SNX20: variants seen among roughly 807,000 people sequenced by gnomAD.
SNX20 encodes the protein sorting nexin-20.
A neutral mutation model predicts 24.5 loss-of-function variants in SNX20; 21 were observed. The ratio of observed to expected loss-of-function variants is 0.86; its 90% CI spans 0.61 to 1.23. The LOEUF is 1.23. Ranked by LOEUF, SNX20 falls within the 50% of genes most tolerant of loss-of-function variation. The pLI, the probability that SNX20 is intolerant of heterozygous loss-of-function variation, is 0.00. For missense variants in SNX20, 433 were observed against 430.8 expected, an observed-to-expected ratio of 1.00 and a Z score of -0.04; for synonymous variants, 206 against 192.8, an observed-to-expected ratio of 1.07 and a Z score of -0.57.
rs1963205868 is a variant in SNX20 at position 50,677,413 on chromosome 16, TC to T, written c.113del (p.Gly38AspfsTer6). 6.2e-7 allele frequency: 1 copy of T among 1,601,316 alleles called. No homozygotes were observed. Among genetic ancestry groups the T allele is most frequent in the African/African-American group, 1.3e-5 (1 of 74,300 alleles). On this transcript the variant is annotated frameshift_variant, in exon 2 of 4. Transcript: ENST00000330943. LOFTEE classifies it high-confidence loss of function. ...PATGPDLPHPGPDGHLDTHSG... is the reference protein window; with the variant it reads ...PATGPDLPHPXPDGHLDTHSG... ...CAAGCCCACCTAAGTGCCCGTCAGG[TC>T]CTGGGTGCGGGAGGTCGGGGCCAGT... is the stretch of plus-strand genomic sequence containing the variant.
chr16:50,667,447 A>T (rs939323766), downstream of SNX20: 18 of 154,418 alleles, frequency 1.2e-4, no homozygotes, highest in African/African-American at 4.3e-4. Context: ...GCCTTCCCTG[A>T]CCACCTGGCT....
At chr16:50,674,229 GTTTATTTATTTATTTA>G (rs752759802) in intron 3 of SNX20, among the ~76,000 whole-genome samples, 155 bp from the exon 4 acceptor site, 18 of 131,126 alleles carry the variant, frequency 1.4e-4, no homozygotes, top group African/African-American at 6.3e-4. Context: ...TTGTTTGTTT[GTTTATTTATTTATTTA>G]TTTATTTATT....
chr16:50,668,373 T>C (rs1962964129), downstream of SNX20: 4 of 1,052,044 alleles, frequency 3.8e-6, no homozygotes, highest in Non-Finnish European at 4.9e-6. Flanking sequence ...AACAAAAGTC[T>C]ACCAGCGGCC....
intron 1 of SNX20, among the ~76,000 whole-genome samples, chr16:50,678,515 C>G (rs976758579): frequency 1.3e-5 from 2 of 152,240 alleles, no homozygotes; most frequent in Middle Eastern, 3.2e-3. Flanking sequence ...AGCACACACT[C>G]TTGCACTAAC....
rs1489510886 is a variant in SNX20 at position 50,672,790 on chromosome 16, C to CTG, written c.*614_*615dup. 1.3e-5 allele frequency: 2 copies of CTG among 152,174 alleles called. No individual in the cohort carries two copies. The highest frequency in any genetic ancestry group is 4.8e-5 in the African/African-American group (2 of 41,410). 9.4% of individuals were successfully genotyped at this position (152,174 alleles called of 1,614,324 possible). A position where few individuals can be genotyped will look rare whatever the true frequency, so the allele number is the denominator to read the frequency against. ...TCTTCTCCAGCTTCCCACAAAGACA[C>CTG]TGGTGGGGTGGACACTGCTCTGGAC... On this transcript the variant is annotated 3_prime_UTR_variant, in exon 4 of 4. Transcript: ENST00000330943.
downstream of SNX20, chr16:50,668,702 A>T (rs529484333): frequency 3.7e-6 from 4 of 1,069,866 alleles, no homozygotes; most frequent in African/African-American, 6.6e-5. Context: ...GCATTTGGAG[A>T]CGTGGCTGGG....
chr16:50,668,306 G>T, downstream of SNX20: 1 of 1,362,080 alleles, frequency 7.3e-7, no homozygotes, highest in South Asian at 1.6e-5. Context: ...AGAAGTCTCA[G>T]CTTGGTGATT....
intron 1 of SNX20, among the ~76,000 whole-genome samples, chr16:50,679,300 GC>G (rs1963246990): frequency 6.6e-6 from 1 of 152,202 alleles, no homozygotes; most frequent in South Asian, 2.1e-4. Flanking sequence ...CCTGAGCACA[GC>G]CAGCGCCTGT....
Position 50,677,483 on chromosome 16 carries a change from G to T in SNX20, c.44C>A (p.Pro15His), listed in dbSNP as rs1213539411. 1 of 1,607,990 alleles carries T rather than the reference G, an allele frequency of 6.2e-7. No homozygotes were observed. Among genetic ancestry groups the T allele is most frequent in the Non-Finnish European group, 8.5e-7 (1 of 1,176,910 alleles). Reference protein sequence around the residue: ...EHPGSPGCMGPITQCTARTQQ... With the variant: ...EHPGSPGCMGHITQCTARTQQ... ...GGTCCTTGCCGTGCACTGGGTTATGGGTCCCATGCAGCCAGGGCTCCCAGG... is the reference window on the plus strand; with the variant it reads ...GGTCCTTGCCGTGCACTGGGTTATGTGTCCCATGCAGCCAGGGCTCCCAGG... Residue 15 changes from proline (P) to histidine (H), a missense_variant, in exon 2 of 4, where the codon CCC becomes CAC. Coordinates refer to ENST00000330943, the MANE Select transcript of SNX20 (RefSeq NM_182854.4).
chr16:50,673,748 G>C lies in SNX20; in HGVS notation c.609C>G (p.Arg203=). 1 of 1,511,060 alleles carries C rather than the reference G, an allele frequency of 6.6e-7. No homozygotes were observed. The highest frequency in any genetic ancestry group is 8.8e-7 in the Non-Finnish European group (1 of 1,136,588). The allele number at this position is 1,511,060 out of a possible 1,614,324, so 93.6% of individuals were successfully genotyped here. A position where few individuals can be genotyped will look rare whatever the true frequency, so the allele number is the denominator to read the frequency against. The part of the protein sequence containing the change: ...FGCLRAGQYP[R]ALELLLRVLP... ...GCACGCGCAGCAGCAGCTCCAGGGC[G>C]CGCGGGTACTGGCCGGCCCGCAGGC... Residue 203 remains arginine (R), a synonymous_variant, in exon 4 of 4, where the codon CGC becomes CGG. Transcript: ENST00000330943. The surrounding 1 kb of genome is among the most constrained non-coding windows in gnomAD (Gnocchi z 4.1).
At position 50,673,260 on chromosome 16, in the gene SNX20, C is replaced by T. The variant is rs924196314; in HGVS notation, c.*146G>A. The stretch of plus-strand genomic sequence containing the variant: ...AGGCTGCAGTGAGACATAATTGAGC[C>T]ACTGCACTTCAGTCTGGGTGACAGA... On this transcript the variant is annotated 3_prime_UTR_variant, in exon 4 of 4. Coordinates refer to ENST00000330943, the MANE Select transcript of SNX20 (RefSeq NM_182854.4). The surrounding 1 kb of genome is among the most constrained non-coding windows in gnomAD (Gnocchi z 4.1). 1 of 1,267,302 alleles carries T rather than the reference C, an allele frequency of 7.9e-7. No individual in the cohort carries two copies. The highest frequency in any genetic ancestry group is 1.6e-5 in the African/African-American group (1 of 64,486). 78.5% of individuals were successfully genotyped at this position (1,267,302 alleles called of 1,614,324 possible). A position where few individuals can be genotyped will look rare whatever the true frequency, so the allele number is the denominator to read the frequency against.
downstream of SNX20, chr16:50,669,118 A>G (rs775853805): frequency 4.0e-6 from 6 of 1,488,446 alleles, no homozygotes; most frequent in South Asian, 6.0e-5. Context: ...GACCCTGGAT[A>G]AGTCATCTCT....
intron 1 of SNX20, among the ~76,000 whole-genome samples, chr16:50,677,769 A>G (rs1008053636): frequency 6.6e-6 from 1 of 152,236 alleles, no homozygotes; most frequent in Non-Finnish European, 1.5e-5. Flanking sequence ...GCGATGATCC[A>G]TATGTTATTG....
At chr16:50,666,796 G>C (rs1178631065), downstream of SNX20, 3 of 152,356 alleles carry the variant, frequency 2.0e-5, no homozygotes, top group Non-Finnish European at 4.4e-5. Context: ...CTACAGATGA[G>C]GAGCTCACAA....
downstream of SNX20, chr16:50,668,387 G>T: frequency 1.0e-6 from 1 of 968,720 alleles, no homozygotes; most frequent in Non-Finnish European, 1.3e-6. Flanking sequence ...AGCGGCCTCA[G>T]GCTCAGGGCC....
At chr16:50,668,269 T>G, downstream of SNX20, 1 of 1,414,108 alleles carries the variant, frequency 7.1e-7, no homozygotes, top group Middle Eastern at 2.3e-4. Flanking sequence ...AGGACAACAT[T>G]TTCCAGTCCT....
At chr16:50,669,145 C>T, downstream of SNX20, 2 of 1,300,372 alleles carry the variant, frequency 1.5e-6, no homozygotes, top group East Asian at 2.5e-5. Context: ...CTTGATTTCC[C>T]CATCTGTAAA....
At chr16:50,677,250 A>T in intron 2 of SNX20, 147 bp downstream of exon 2, 1 of 1,069,958 alleles carries the variant, frequency 9.3e-7, no homozygotes, top group Non-Finnish European at 1.3e-6. Flanking sequence ...AGCTTGCACT[A>T]GATCTGTGTC....
Position 50,673,706 on chromosome 16 carries a change from C to G in SNX20, c.651G>C (p.Lys217Asn), listed in dbSNP as rs778857780. Residue 217 changes from lysine to asparagine, a missense_variant, in exon 4 of 4, where the codon AAG becomes AAC. By Grantham distance (94) the Lys-to-Asn change is moderately conservative (BLOSUM62 0). Coordinates refer to ENST00000330943, the MANE Select transcript of SNX20 (RefSeq NM_182854.4). This position sits in a 1 kb window ranked among gnomAD's most constrained non-coding sequence, Gnocchi z 4.1. Reference protein sequence around the residue: ...LLLRVLPLQEKLTAHCPAAAV... With the variant: ...LLLRVLPLQENLTAHCPAAAV... ...CGGCCGCAGGGCAGTGGGCGGTGAG[C>G]TTCTCCTGCAGCGGCAGCACGCGCA... 6.7e-7 allele frequency: 1 copy of G among 1,501,136 alleles called. No individual in the cohort carries two copies. Among genetic ancestry groups the G allele is most frequent in the South Asian group, 1.3e-5 (1 of 79,732 alleles). The allele number at this position is 1,501,136 out of a possible 1,614,324, so 93.0% of individuals were successfully genotyped here. A position where few individuals can be genotyped will look rare whatever the true frequency, so the allele number is the denominator to read the frequency against.
Sources: allele counts gnomAD v4.1 joint callset (sites outside exome capture counted in the v4.1 genomes callset), GRCh38; gene constraint gnomAD v4.1.1; non-coding constraint Gnocchi (gnomAD v3.1); transcripts MANE v1.5; gene names NCBI Gene and HGNC (gene_info 2026-07-23, HGNC 2026-07-21).